Variants in SLC4A4 observed in about 807,000 individuals in gnomAD.
SLC4A4 encodes solute carrier family 4 member 4, also known as electrogenic sodium bicarbonate cotransporter 1.
In SLC4A4, 27 loss-of-function variants were observed where a neutral mutation model predicts 111.5. That is an observed-to-expected ratio of 0.24 (90% CI 0.18 to 0.33). SLC4A4 has a LOEUF of 0.33. Among genes scored for constraint, SLC4A4 ranks in the 10% least tolerant of loss-of-function variants. The probability of loss-of-function intolerance (pLI) is 1.00; values close to 1 mark genes in which losing one functional copy is unlikely to be tolerated. For synonymous variants in SLC4A4, 443 were observed against 463.4 expected, an observed-to-expected ratio of 0.96 and a Z score of 0.57; for missense variants, 909 against 1,315.5, an observed-to-expected ratio of 0.69 and a Z score of 4.78.
intron 1 of SLC4A4, among the ~76,000 whole-genome samples, chr4:71,214,043 A>T (rs1718283493): frequency 6.6e-6 from 1 of 152,176 alleles, no homozygotes; most frequent in South Asian, 2.1e-4. Context: ...ATGCTTGTTC[A>T]GTTGGCCACT....
At chr4:71,064,037 G>T (rs1741452317) in intron 1 of SLC4A4, among the ~76,000 whole-genome samples, 1 of 151,638 alleles carries the variant, frequency 6.6e-6, no homozygotes, top group Non-Finnish European at 1.5e-5. Context: ...AATATCTCAG[G>T]TACCCCATAA....
chr4:71,085,251 T>G (rs968243756), intron 1 of SLC4A4, among the ~76,000 whole-genome samples: 25 of 151,818 alleles, frequency 1.6e-4, no homozygotes, highest in African/African-American at 6.1e-4. Context: ...TTGATGGGTT[T>G]GTTTGTTTTT....
intron 5 of SLC4A4, among the ~76,000 whole-genome samples, chr4:71,356,780 T>C (rs1435360294): frequency 6.6e-6 from 1 of 152,222 alleles, no homozygotes; most frequent in Non-Finnish European, 1.5e-5. Context: ...ACATCATATC[T>C]GGGCCTGAAA....
intron 15 of SLC4A4, among the ~76,000 whole-genome samples, chr4:71,488,136 ATAATT>A (rs1294060868): frequency 3.4e-5 from 5 of 148,784 alleles, no homozygotes; most frequent in South Asian, 2.1e-4. Flanking sequence ...TTAATAAACT[ATAATT>A]TAATAATATA....
At chr4:71,213,659 T>A (rs967490301) in intron 1 of SLC4A4, among the ~76,000 whole-genome samples, 1 of 152,142 alleles carries the variant, frequency 6.6e-6, no homozygotes, top group Admixed American at 6.5e-5. Context: ...CCCAGAGTCA[T>A]AAGTTGAAGC....
intron 2 of SLC4A4, among the ~76,000 whole-genome samples, chr4:71,104,103 C>T (rs1180036845): frequency 1.5e-3 from 59 of 40,130 alleles, no homozygotes; most frequent in African/African-American, 5.5e-3. Context: ...ACCACCGATC[C>T]CACAGAAATA....
chr4:71,295,510 G>T (rs1724717227), intron 3 of SLC4A4, among the ~76,000 whole-genome samples: 1 of 152,120 alleles, frequency 6.6e-6, no homozygotes. Flanking sequence ...AAAATTGATT[G>T]GAGAAGAAAA....
At chr4:71,068,768 C>T (rs924952111) in intron 1 of SLC4A4, among the ~76,000 whole-genome samples, 5 of 151,528 alleles carry the variant, frequency 3.3e-5, no homozygotes, top group Non-Finnish European at 5.9e-5. Context: ...GATCTCACTA[C>T]GTTGCCCAGG....
chr4:71,322,308 G>T (rs890698526), intron 3 of SLC4A4, among the ~76,000 whole-genome samples: 1 of 151,942 alleles, frequency 6.6e-6, no homozygotes, highest in Non-Finnish European at 1.5e-5. Flanking sequence ...GAAGTCAGAA[G>T]TCCTAAAGAT....
chr4:71,459,484 A>G (rs532202878), intron 12 of SLC4A4, among the ~76,000 whole-genome samples: 4 of 152,196 alleles, frequency 2.6e-5, no homozygotes, highest in South Asian at 2.1e-4. Flanking sequence ...ACATAACTTT[A>G]GTATTTCATG....
At chr4:71,137,509 A>C (rs1743876825) in intron 2 of SLC4A4, among the ~76,000 whole-genome samples, 1 of 152,244 alleles carries the variant, frequency 6.6e-6, no homozygotes, top group Non-Finnish European at 1.5e-5. Context: ...TGATCTCAAG[A>C]TACAAGGTCC....
At chr4:71,349,250 C>T (rs1729601277) in intron 4 of SLC4A4, among the ~76,000 whole-genome samples, 4 of 152,162 alleles carry the variant, frequency 2.6e-5, no homozygotes, top group African/African-American at 7.2e-5. Flanking sequence ...TGTTGTTCAC[C>T]GAGCTTGTGT....
intron 1 of SLC4A4, among the ~76,000 whole-genome samples, chr4:71,080,000 A>G (rs987012408): frequency 2.6e-5 from 4 of 152,102 alleles, no homozygotes; most frequent in African/African-American, 9.7e-5. Flanking sequence ...GCTGCCAGCA[A>G]CACCCCTCTC....
At chr4:71,360,587 T>A (rs1009288569) in intron 6 of SLC4A4, among the ~76,000 whole-genome samples, 2 of 152,172 alleles carry the variant, frequency 1.3e-5, no homozygotes, top group African/African-American at 2.4e-5. Flanking sequence ...GTCTTATTGG[T>A]TAACATACAT....
chr4:71,136,636 C>T (rs1301802279), intron 2 of SLC4A4, among the ~76,000 whole-genome samples: 2 of 152,140 alleles, frequency 1.3e-5, no homozygotes, highest in Admixed American at 1.3e-4. Context: ...TTTGAGATAG[C>T]ATTTCCCCCA....
At chr4:71,397,340 T>C (rs1439946269) in intron 6 of SLC4A4, among the ~76,000 whole-genome samples, 1 of 152,234 alleles carries the variant, frequency 6.6e-6, no homozygotes, top group African/African-American at 2.4e-5. Context: ...TAGCTTACCT[T>C]GAAACTGAAC....
At chr4:71,465,720 T>C (rs1454739641) in intron 12 of SLC4A4, among the ~76,000 whole-genome samples, 5 of 151,936 alleles carry the variant, frequency 3.3e-5, no homozygotes, top group Non-Finnish European at 5.9e-5. Context: ...GTTTTTATTA[T>C]TCTAAAGGAA....
At chr4:71,071,283 GAAA>G (rs1240689101) in intron 1 of SLC4A4, among the ~76,000 whole-genome samples, 2 of 149,824 alleles carry the variant, frequency 1.3e-5, no homozygotes, top group Non-Finnish European at 3.0e-5. Context: ...AAAAAAAAAG[GAAA>G]GAAGAAGAAG....
intron 16 of SLC4A4, among the ~76,000 whole-genome samples, chr4:71,512,912 T>C (rs1732058746): frequency 6.6e-6 from 1 of 152,198 alleles, no homozygotes; most frequent in Non-Finnish European, 1.5e-5. Context: ...TGTAAGTTCT[T>C]GTCAGCTTTT....
Sources: gnomAD v4.1 joint callset for allele counts (sites outside exome capture counted in the v4.1 genomes callset) on GRCh38, gnomAD v4.1.1 for gene constraint, MANE v1.5 for transcripts, NCBI Gene and HGNC (gene_info 2026-07-23, HGNC 2026-07-21) for gene names.